ARID2: variants seen among roughly 807,000 people sequenced by gnomAD.
ARID2 encodes the protein AT-rich interactive domain-containing protein 2.
In ARID2, 32 loss-of-function variants were observed where a neutral mutation model predicts 184.6. That is an observed-to-expected ratio of 0.17 (90% CI 0.13 to 0.23). The LOEUF (loss-of-function observed/expected upper bound fraction) is 0.23, where lower values mean the gene tolerates loss of function less well. Among genes scored for constraint, ARID2 ranks in the 10% least tolerant of loss-of-function variants. The probability of loss-of-function intolerance (pLI) is 1.00; values close to 1 mark genes in which losing one functional copy is unlikely to be tolerated. For synonymous variants in ARID2, 836 were observed against 772.6 expected, an observed-to-expected ratio of 1.08 and a Z score of -1.36; for missense variants, 1,696 against 2,197.6, an observed-to-expected ratio of 0.77 and a Z score of 4.56.
intron 3 of ARID2, among the ~76,000 whole-genome samples, chr12:45,798,704 C>T (rs984455198): frequency 6.6e-6 from 1 of 151,344 alleles, no homozygotes; most frequent in Non-Finnish European, 1.5e-5. Flanking sequence ...ATATGCAACC[C>T]TTCTTCTCAT....
At chr12:45,793,572 T>TTA (rs1942332429) in intron 3 of ARID2, among the ~76,000 whole-genome samples, 1 of 151,482 alleles carries the variant, frequency 6.6e-6, no homozygotes, top group Admixed American at 6.6e-5. Flanking sequence ...TGTATATGTA[T>TTA]TATATATATA....
chr12:45,860,054 A>G lies in ARID2; in HGVS notation c.4774-747A>G, dbSNP rs1281307819. Among the ~76,000 whole-genome samples, 3 of 152,250 alleles carry G rather than the reference A, an allele frequency of 2.0e-5. No homozygotes were observed. In the East Asian group the frequency reaches 5.8e-4, roughly 29 times the overall value. ...GCCTAGAATTCTTACATAAATAACAAAAGATATAATTAGACTGGGGGCTGG... is the reference window on the plus strand; with the variant it reads ...GCCTAGAATTCTTACATAAATAACAGAAGATATAATTAGACTGGGGGCTGG... On this transcript the variant is annotated intron_variant, in intron 15 of 20. Coordinates refer to ENST00000334344, the MANE Select transcript of ARID2 (RefSeq NM_152641.4).
intron 20 of ARID2, among the ~76,000 whole-genome samples, chr12:45,901,564 A>G (rs1944459409): frequency 6.6e-6 from 1 of 151,990 alleles, no homozygotes; most frequent in South Asian, 2.1e-4. Flanking sequence ...CATCTCTCTG[A>G]GGATATTAAC....
intron 2 of ARID2, among the ~76,000 whole-genome samples, chr12:45,730,453 AGCCCCGCGCCC>A (rs1237350993): frequency 2.1e-5 from 3 of 143,594 alleles, no homozygotes; most frequent in African/African-American, 2.5e-5. Context: ...CGCCAGCCTG[AGCCCCGCGCCC>A]GCCCCGCTCC....
chr12:45,787,388 T>C (rs1345754348), intron 3 of ARID2, among the ~76,000 whole-genome samples: 1 of 151,700 alleles, frequency 6.6e-6, no homozygotes, highest in Non-Finnish European at 1.5e-5. Flanking sequence ...TGGGATAATT[T>C]TTGTTTATTA....
At chr12:45,781,089 T>A (rs1942080639) in intron 3 of ARID2, among the ~76,000 whole-genome samples, 2 of 151,958 alleles carry the variant, frequency 1.3e-5, no homozygotes, top group South Asian at 4.2e-4. Context: ...TCATACTACT[T>A]ATTTATGGCT....
At position 45,850,894 on chromosome 12, in the gene ARID2, A is replaced by G. The variant is rs750633537; in HGVS notation, c.2771A>G (p.Gln924Arg). The change falls in exon 15 of 21, where the codon CAA becomes CGA. Residue 924 changes from glutamine to arginine, a missense_variant. This residue lies in a region of ARID2 where 713 missense variants were observed against 824.4 expected (regional missense o/e 0.86). Transcript: ENST00000334344. ...PIQQPQQPTQ[Q>R]SVVIVSQPAQ... The stretch of plus-strand genomic sequence containing the variant: ...CAACAACCACAGCAGCCAACCCAAC[A>G]AAGCGTAGTGATTGTAAGCCAGCCA... 4.3e-6 allele frequency: 7 copies of G among 1,614,042 alleles called. No individual in the cohort carries two copies. In the South Asian group the frequency reaches 7.7e-5, roughly 18 times the overall value.
chr12:45,809,939 C>T (rs1942672767), intron 3 of ARID2, among the ~76,000 whole-genome samples: 1 of 152,094 alleles, frequency 6.6e-6, no homozygotes, highest in South Asian at 2.1e-4. Flanking sequence ...AATAATACTT[C>T]CAGGATACTC....
At chr12:45,825,163 A>G (rs1472642080) in intron 6 of ARID2, among the ~76,000 whole-genome samples, 1 of 152,070 alleles carries the variant, frequency 6.6e-6, no homozygotes, top group Non-Finnish European at 1.5e-5. Context: ...TAAATAATAA[A>G]TTCTAGTGTT....
intron 3 of ARID2, among the ~76,000 whole-genome samples, chr12:45,752,968 AGT>A (rs1270851649): frequency 6.6e-6 from 1 of 152,218 alleles, no homozygotes; most frequent in East Asian, 1.9e-4. Context: ...GTTCATTAAA[AGT>A]TTTTTTCCAG....
At position 45,850,679 on chromosome 12, in the gene ARID2, G is replaced by T. The variant is rs769786026; in HGVS notation, c.2556G>T (p.Gln852His). Residue 852 changes from glutamine to histidine, a missense_variant, in exon 15 of 21, where the codon CAG becomes CAT. Gln to His is a conservative substitution (Grantham distance 24). Coordinates refer to ENST00000334344, the MANE Select transcript of ARID2 (RefSeq NM_152641.4). ...ATACTGTTATCATAGCACCCCCACA[G>T]TATGTAACAACTTCTGCATCCAATA... ...SQDTVIIAPPQYVTTSASNIV... is the reference protein window; with the variant it reads ...SQDTVIIAPPHYVTTSASNIV... 17 of 1,613,932 alleles carry T rather than the reference G, an allele frequency of 1.1e-5. No individual in the cohort carries two copies. The highest frequency in any genetic ancestry group is 1.3e-5 in the Non-Finnish European group (15 of 1,179,988).
intron 3 of ARID2, among the ~76,000 whole-genome samples, chr12:45,782,967 T>G (rs1942124155): frequency 6.6e-6 from 1 of 151,336 alleles, no homozygotes; most frequent in African/African-American, 2.4e-5. Flanking sequence ...AATAAATAAA[T>G]AAATAAAAAT....
chr12:45,856,074 T>C (rs940763398), intron 15 of ARID2, among the ~76,000 whole-genome samples: 3 of 124,582 alleles, frequency 2.4e-5, no homozygotes, highest in South Asian at 5.9e-4. Context: ...TTTCTTTTTT[T>C]TTTTTTTTTT....
intron 11 of ARID2, 82 bp from the exon 12 acceptor site, chr12:45,846,774 G>A: frequency 8.0e-7 from 1 of 1,257,112 alleles, no homozygotes; most frequent in Non-Finnish European, 1.1e-6. Flanking sequence ...TGTGTTAATG[G>A]GTTCAATATC....
chr12:45,779,212 G>T (rs551031110), intron 3 of ARID2, among the ~76,000 whole-genome samples: 1 of 151,978 alleles, frequency 6.6e-6, no homozygotes, highest in South Asian at 2.1e-4. Context: ...TTCTAGAGGG[G>T]TAATTACTAA....
chr12:45,906,666 T>A lies in ARID2; in HGVS notation c.*1588T>A, dbSNP rs899783730. On this transcript the variant is annotated 3_prime_UTR_variant, in exon 21 of 21. Transcript: ENST00000334344. Reference sequence around the variant, plus strand: ...TGATTATATGTTGATTGATAACATATTAAATAGAGAACAAATAAGAGAGGT... The same window carrying A: ...TGATTATATGTTGATTGATAACATAATAAATAGAGAACAAATAAGAGAGGT... 1 of 232,194 alleles carries A rather than the reference T, an allele frequency of 4.3e-6. No individual in the cohort carries two copies. The highest frequency in any genetic ancestry group is 8.5e-6 in the Non-Finnish European group (1 of 117,480). 14.4% of individuals were successfully genotyped at this position (232,194 alleles called of 1,614,324 possible). A position where few individuals can be genotyped will look rare whatever the true frequency, so the allele number is the denominator to read the frequency against.
intron 3 of ARID2, 31 bp from the exon 4 acceptor site, chr12:45,811,387 A>G: frequency 6.3e-7 from 1 of 1,588,360 alleles, no homozygotes; most frequent in Non-Finnish European, 8.6e-7. Flanking sequence ...ATCTATTTTT[A>G]AATGTTTGCT....
intron 20 of ARID2, among the ~76,000 whole-genome samples, chr12:45,895,744 A>AGG (rs1944360911): frequency 6.6e-6 from 1 of 152,146 alleles, no homozygotes; most frequent in East Asian, 1.9e-4. Flanking sequence ...CATGTTGGCC[A>AGG]GTTTGGTCTT....
chr12:45,878,109 A>G (rs1196150837), intron 16 of ARID2, among the ~76,000 whole-genome samples: 1 of 152,136 alleles, frequency 6.6e-6, no homozygotes, highest in Non-Finnish European at 1.5e-5. Flanking sequence ...TTGTCCTTCC[A>G]TCAGTAAGTT....
Sources: allele counts gnomAD v4.1 joint callset (sites outside exome capture counted in the v4.1 genomes callset), GRCh38; gene constraint gnomAD v4.1.1; regional missense constraint gnomAD v4.1.1; transcripts MANE v1.5; gene names NCBI Gene and HGNC (gene_info 2026-07-23, HGNC 2026-07-21).